DMXL1: variants seen among roughly 807,000 people sequenced by gnomAD.
The protein encoded by DMXL1 is Dmx like 1.
In DMXL1, 99 loss-of-function variants were observed where a neutral mutation model predicts 319.2. The observed-to-expected ratio is 0.31, with a 90% CI of 0.26 to 0.37. The LOEUF is 0.37. Among genes scored for constraint, DMXL1 ranks in the 10% least tolerant of loss-of-function variants. The pLI, the probability that DMXL1 is intolerant of heterozygous loss-of-function variation, is 1.00. For synonymous variants in DMXL1, 1,385 were observed against 1,235.2 expected, an observed-to-expected ratio of 1.12 and a Z score of -2.54; for missense variants, 3,745 against 3,595.6, an observed-to-expected ratio of 1.04 and a Z score of -1.06.
chr5:119,114,610 C>T (rs976761671), intron 6 of DMXL1, 69 bp downstream of exon 6: 28 of 973,704 alleles, frequency 2.9e-5, no homozygotes, highest in Non-Finnish European at 4.2e-5. Context: ...AAAACATCAA[C>T]TGGCTTCATT....
At chr5:119,124,612 C>T (rs1376947602) in intron 9 of DMXL1, among the ~76,000 whole-genome samples, 2 of 136,706 alleles carry the variant, frequency 1.5e-5, no homozygotes, top group Non-Finnish European at 3.0e-5. Context: ...TGTCGCCAAG[C>T]TGGAGTGCAG....
rs7700801 is a variant in DMXL1, at chr5:119,116,256, T to G, written c.663T>G (p.Ile221Met). The G allele has an allele frequency of 3.2e-4, 521 of 1,614,072 alleles. 6 individuals carry two copies. In the African/African-American group the frequency reaches 6.6e-3, roughly 20 times the overall value. The change falls in exon 7 of 44, where the codon ATT becomes ATG. Residue 221 changes from isoleucine (I) to methionine (M), a missense_variant. By Grantham distance (10) the Ile-to-Met change is conservative. This residue lies in a region of DMXL1 where 2,096 missense variants were observed against 1,985.4 expected (regional missense o/e 1.06). Transcript: ENST00000539542. ...GSSEKQSQGE[I>M]DFSFVYLAHP... The stretch of plus-strand genomic sequence containing the variant: ...CAGAAAAACAATCCCAAGGAGAAAT[T>G]GACTTTTCTTTTGTGTATCTGGCCC...
Position 119,178,176 on chromosome 5 carries a change from G to T in DMXL1, c.7067G>T (p.Trp2356Leu). The T allele has an allele frequency of 6.2e-7, 1 of 1,613,858 alleles. No individual in the cohort carries two copies. The highest frequency in any genetic ancestry group is 8.5e-7 in the Non-Finnish European group (1 of 1,179,810). ...IVAHPLNEKM[W>L]SAVFGGGAHV... ...GCCCATCCTCTAAATGAGAAAATGT[G>T]GTCTGCTGTGTTTGGTGGAGGTGCA... Residue 2356 changes from tryptophan (W) to leucine (L), a missense_variant, in exon 28 of 44, where the codon TGG becomes TTG. By Grantham distance (61) the Trp-to-Leu change is moderately conservative. This residue lies in a region of DMXL1 where 1,382 missense variants were observed against 1,269.5 expected (regional missense o/e 1.09). Transcript: ENST00000539542.
intron 5 of DMXL1, among the ~76,000 whole-genome samples, chr5:119,113,024 C>G (rs941836917): frequency 1.2e-4 from 18 of 152,188 alleles, no homozygotes; most frequent in African/African-American, 4.3e-4. Context: ...ACCAGATGTT[C>G]TAAAAATGTG....
intron 28 of DMXL1, among the ~76,000 whole-genome samples, chr5:119,184,660 C>T (rs1777377984): frequency 6.6e-6 from 1 of 152,102 alleles, no homozygotes; most frequent in South Asian, 2.1e-4. Context: ...TCATACAATC[C>T]CTGGTAATCA....
In DMXL1 at chr5:119,133,818, A is replaced by C; in HGVS notation, c.1894A>C (p.Arg632=). 2 of 1,614,132 alleles carry C rather than the reference A, an allele frequency of 1.2e-6. No homozygotes were observed. Among genetic ancestry groups the C allele is most frequent in the Non-Finnish European group, 1.7e-6 (2 of 1,180,016 alleles). Residue 632 remains arginine (R), a synonymous_variant, in exon 12 of 44, where the codon AGA becomes CGA. Coordinates refer to ENST00000539542, the MANE Select transcript of DMXL1 (RefSeq NM_001290321.3). The part of the protein sequence containing the change: ...STVLSISHKS[R]YCGHRFHLND... The stretch of plus-strand genomic sequence containing the variant: ...TGTTCTCAGTATTTCCCACAAATCC[A>C]GATATTGTGGTCATCGTTTTCATCT...
intron 1 of DMXL1, among the ~76,000 whole-genome samples, chr5:119,072,804 T>G (rs923243322): frequency 4.6e-5 from 7 of 152,184 alleles, no homozygotes; most frequent in African/African-American, 1.4e-4. Context: ...CTCATACACA[T>G]CTTAATTATC....
Position 119,150,289 on chromosome 5 carries a change from G to T in DMXL1, c.4462G>T (p.Val1488Phe), listed in dbSNP as rs1203301627. ...TTACTTTGGACCTGAGCATGCTCAG[G>T]TTCTTTCTGGCCACTTACTTCATTC... ...PTYFGPEHAQ[V>F]LSGHLLHSSL... The change falls in exon 18 of 44, where the codon GTT becomes TTT. Residue 1488 changes from valine to phenylalanine, a missense_variant. Val to Phe is a conservative substitution (Grantham distance 50, BLOSUM62 -1). Transcript: ENST00000539542. 6.2e-7 allele frequency: 1 copy of T among 1,613,808 alleles called. No homozygotes were observed. The highest frequency in any genetic ancestry group is 8.5e-7 in the Non-Finnish European group (1 of 1,179,836).
rs762066953 is a variant in DMXL1 at position 119,133,904 on chromosome 5, A to G, written c.1980A>G (p.Ala660=). The stretch of plus-strand genomic sequence containing the variant: ...TGCTGACAACATCACACCATAATGC[A>G]TTAAGGACACCAGATGTTGATAACC... ...PLLLTTSHHN[A]LRTPDVDNPE... Residue 660 remains alanine, a synonymous_variant, in exon 12 of 44, where the codon GCA becomes GCG. Coordinates refer to ENST00000539542, the MANE Select transcript of DMXL1 (RefSeq NM_001290321.3). 41 of 1,614,078 alleles carry G rather than the reference A, an allele frequency of 2.5e-5. No homozygotes were observed. The African/African-American group carries it at 4.4e-4, about 17-fold the overall frequency.
At chr5:119,221,499 T>G (rs958167399) in intron 37 of DMXL1, among the ~76,000 whole-genome samples, 1 of 152,190 alleles carries the variant, frequency 6.6e-6, no homozygotes, top group Admixed American at 6.5e-5. Flanking sequence ...TTTTGGCACA[T>G]GAAAATTACA....
chr5:119,137,422 A>G (rs757157262), intron 13 of DMXL1, among the ~76,000 whole-genome samples: 9 of 152,180 alleles, frequency 5.9e-5, no homozygotes, highest in Non-Finnish European at 1.2e-4. Flanking sequence ...TAAGGAGTTA[A>G]GACTTTGGGG....
chr5:119,225,715 T>C (rs1376924992), intron 38 of DMXL1, among the ~76,000 whole-genome samples: 1 of 152,178 alleles, frequency 6.6e-6, no homozygotes, highest in Admixed American at 6.6e-5. Context: ...GAGAACCGTA[T>C]ATGTAAAATG....
At chr5:119,108,458 C>G (rs993322607) in intron 4 of DMXL1, among the ~76,000 whole-genome samples, 17 of 152,112 alleles carry the variant, frequency 1.1e-4, no homozygotes, top group African/African-American at 3.9e-4. Context: ...GGGTCTTGCT[C>G]TGTTGCCCAG....
chr5:119,218,298 G>C (rs1784042146), intron 35 of DMXL1, among the ~76,000 whole-genome samples: 1 of 152,058 alleles, frequency 6.6e-6, no homozygotes, highest in Non-Finnish European at 1.5e-5. Context: ...AAAGAAACTA[G>C]TTGTTTTCTT....
intron 21 of DMXL1, among the ~76,000 whole-genome samples, chr5:119,165,786 A>G (rs1773309702): frequency 6.6e-6 from 1 of 152,236 alleles, no homozygotes; most frequent in South Asian, 2.1e-4. Flanking sequence ...CTTATTCACT[A>G]TCACAAGAAT....
chr5:119,206,952 A>C, intron 34 of DMXL1, 56 bp downstream of exon 34: 1 of 1,093,906 alleles, frequency 9.1e-7, no homozygotes, highest in Non-Finnish European at 1.3e-6. Context: ...AAAAGAACAA[A>C]GCATTTGCAT....
chr5:119,166,620 G>A lies in DMXL1; in HGVS notation c.4975G>A (p.Glu1659Lys). 1 of 1,601,842 alleles carries A rather than the reference G, an allele frequency of 6.2e-7. No individual in the cohort carries two copies. The highest frequency in any genetic ancestry group is 1.1e-5 in the South Asian group (1 of 87,758). ...KAVIWGLYRA[E>K]KNTRMTQFFG... ...ACCATTTTTTTTCCTTTATAGAGCT[G>A]AAAAAAACACCAGGATGACACAGTT... is the stretch of plus-strand genomic sequence containing the variant. The change falls in exon 22 of 44, where the codon GAA becomes AAA. Residue 1659 changes from glutamate (E) to lysine (K), a missense_variant. By Grantham distance (56) the Glu-to-Lys change is moderately conservative. This residue lies in a region of DMXL1 where 2,096 missense variants were observed against 1,985.4 expected (regional missense o/e 1.06). Coordinates refer to ENST00000539542, the MANE Select transcript of DMXL1 (RefSeq NM_001290321.3).
intron 17 of DMXL1, among the ~76,000 whole-genome samples, 186 bp from the exon 18 acceptor site, chr5:119,148,553 G>A (rs1251109084): frequency 6.6e-6 from 1 of 151,882 alleles, no homozygotes; most frequent in African/African-American, 2.4e-5. Context: ...TATTCTTGCT[G>A]CCCCTTTTTA....
At chr5:119,084,320 A>G (rs1403569260) in intron 1 of DMXL1, among the ~76,000 whole-genome samples, 1 of 151,862 alleles carries the variant, frequency 6.6e-6, no homozygotes, top group East Asian at 2.0e-4. Flanking sequence ...GGGTTTTGCC[A>G]TTTTGGCCAG....
Sources: allele counts gnomAD v4.1 joint callset (sites outside exome capture counted in the v4.1 genomes callset), GRCh38; gene constraint gnomAD v4.1.1; regional missense constraint gnomAD v4.1.1; transcripts MANE v1.5; gene names NCBI Gene and HGNC (gene_info 2026-07-23, HGNC 2026-07-21).